The following EDEM3 variants were observed in gnomAD, a reference collection of about 807,000 sequenced individuals.
EDEM3 encodes ER degradation-enhancing alpha-mannosidase-like protein 3.
EDEM3 carries 60 observed loss-of-function variants against 110.2 expected under a neutral mutation model. That is an observed-to-expected ratio of 0.54 (90% CI 0.44 to 0.67). The LOEUF is 0.67. EDEM3 is among the 30% of genes least tolerant of loss of function. EDEM3 has a pLI of 0.00. For synonymous variants in EDEM3, 352 were observed against 382.9 expected (o/e 0.92, Z 0.94); for missense variants, 996 against 1,121.0 (o/e 0.89, Z 1.59).
rs1315007618 is a variant in EDEM3 at position 184,754,747 on chromosome 1, C to T, written c.-101G>A. The T allele has an allele frequency of 7.8e-6, 11 of 1,414,400 alleles. No homozygotes were observed. The highest frequency in any genetic ancestry group is 1.5e-5 in the African/African-American group (1 of 66,146). The allele number at this position is 1,414,400 out of a possible 1,614,324, so 87.6% of individuals were successfully genotyped here. ...GGCTGCTAGCCGTGCCGAGACGGGG[C>T]GGGATGCGGAGTAACACGGACGGCC... On this transcript the variant is annotated 5_prime_UTR_variant, in exon 1 of 20. Transcript: ENST00000318130.
At chr1:184,747,279 C>A (rs933198608) in intron 2 of EDEM3, among the ~76,000 whole-genome samples, 1 of 152,190 alleles carries the variant, frequency 6.6e-6, no homozygotes, top group African/African-American at 2.4e-5. Flanking sequence ...CTGTAAATAG[C>A]TGAGACAGGA....
Position 184,716,875 on chromosome 1 carries a change from G to T in EDEM3, c.1370+13C>A. ...GAGACCCTGAGGAAAGAGGATGTTAGCAATTGTTTTACCTGTCCTCATGAC... is the reference window on the plus strand; with the variant it reads ...GAGACCCTGAGGAAAGAGGATGTTATCAATTGTTTTACCTGTCCTCATGAC... On this transcript the variant is annotated intron_variant, in intron 13 of 19. Transcript: ENST00000318130. 6.2e-7 allele frequency: 1 copy of T among 1,612,276 alleles called. No individual in the cohort carries two copies. Among genetic ancestry groups the T allele is most frequent in the Non-Finnish European group, 8.5e-7 (1 of 1,178,774 alleles).
chr1:184,714,967 G>T (rs1023511665), intron 13 of EDEM3, among the ~76,000 whole-genome samples: 1 of 152,146 alleles, frequency 6.6e-6, no homozygotes, highest in African/African-American at 2.4e-5. Flanking sequence ...ATATGATGAA[G>T]AATGGTAGTT....
At chr1:184,723,615 T>C in intron 8 of EDEM3, 136 bp downstream of exon 8, 1 of 719,660 alleles carries the variant, frequency 1.4e-6, no homozygotes, top group Non-Finnish European at 2.2e-6. Context: ...CTGGCTAAAT[T>C]AATTAAAATT....
intron 13 of EDEM3, among the ~76,000 whole-genome samples, chr1:184,714,970 T>C (rs886505587): frequency 6.6e-6 from 1 of 152,102 alleles, no homozygotes; most frequent in Non-Finnish European, 1.5e-5. Flanking sequence ...TGATGAAGAA[T>C]GGTAGTTCTT....
chr1:184,737,573 C>T (rs1446550134), intron 3 of EDEM3, 38 bp downstream of exon 3: 1 of 1,588,408 alleles, frequency 6.3e-7, no homozygotes, highest in Non-Finnish European at 8.6e-7. Flanking sequence ...GACTTGGGAA[C>T]TCTGAGATGC....
intron 2 of EDEM3, among the ~76,000 whole-genome samples, chr1:184,745,233 C>T (rs1358744227): frequency 1.3e-5 from 2 of 152,020 alleles, no homozygotes; most frequent in African/African-American, 4.8e-5. Flanking sequence ...TATAGAATTT[C>T]TTGTGTAATT....
At chr1:184,740,999 C>G (rs1652105250) in intron 2 of EDEM3, among the ~76,000 whole-genome samples, 1 of 152,104 alleles carries the variant, frequency 6.6e-6, no homozygotes, top group Non-Finnish European at 1.5e-5. Context: ...TGCCAATTCA[C>G]CAAGTATAGA....
rs1441792132 is a variant in EDEM3 at position 184,694,020 on chromosome 1, T to G, written c.*43A>C. On this transcript the variant is annotated 3_prime_UTR_variant, in exon 20 of 20. Coordinates refer to ENST00000318130, the MANE Select transcript of EDEM3 (RefSeq NM_025191.4). ...GGATGTCTATTAACCACACACAGTT[T>G]ACCTTTTCTTTTTAAATACCTACCA... 6.4e-7 allele frequency: 1 copy of G among 1,572,152 alleles called. No homozygotes were observed. Among genetic ancestry groups the G allele is most frequent in the Admixed American group, 1.8e-5 (1 of 54,892 alleles).
chr1:184,713,316 C>T (rs878863760), intron 13 of EDEM3, among the ~76,000 whole-genome samples: 3 of 151,728 alleles, frequency 2.0e-5, no homozygotes, highest in Admixed American at 6.6e-5. Flanking sequence ...CAAAGTCACA[C>T]GGGCTATGAT....
intron 1 of EDEM3, among the ~76,000 whole-genome samples, chr1:184,752,890 G>T (rs2102144393): frequency 6.6e-6 from 1 of 152,298 alleles, no homozygotes; most frequent in Non-Finnish European, 1.5e-5. Flanking sequence ...TATTCATTGG[G>T]AAATAGGAAG....
At chr1:184,710,783 T>C (rs1253092884) in intron 15 of EDEM3, among the ~76,000 whole-genome samples, 1 of 152,166 alleles carries the variant, frequency 6.6e-6, no homozygotes, top group Non-Finnish European at 1.5e-5. Flanking sequence ...GCAGTATTAG[T>C]CAAGAGAACT....
chr1:184,706,582 G>T, intron 18 of EDEM3, 61 bp downstream of exon 18: 1 of 1,414,836 alleles, frequency 7.1e-7, no homozygotes, highest in Non-Finnish European at 9.4e-7. Flanking sequence ...AAAATAAAAG[G>T]GAAAAAATCC....
At position 184,691,909 on chromosome 1, in the gene EDEM3, C is replaced by G. The variant is rs184693429; in HGVS notation, c.*2154G>C. 3.3e-5 allele frequency: 5 copies of G among 152,222 alleles called. No homozygotes were observed. In the East Asian group the frequency reaches 9.6e-4, roughly 29 times the overall value. The allele number at this position is 152,222 out of a possible 1,614,324, so 9.4% of individuals were successfully genotyped here. A position where few individuals can be genotyped will look rare whatever the true frequency, so the allele number is the denominator to read the frequency against. On this transcript the variant is annotated 3_prime_UTR_variant, in exon 20 of 20. Coordinates refer to ENST00000318130, the MANE Select transcript of EDEM3 (RefSeq NM_025191.4). The stretch of plus-strand genomic sequence containing the variant: ...CGTCAATGAAAGGCAACACCTCCCT[C>G]TAATGGCCAAAGGAAGAGAGTGGCA...
At chr1:184,700,908 A>G (rs1298395851) in intron 19 of EDEM3, among the ~76,000 whole-genome samples, 6 of 152,000 alleles carry the variant, frequency 3.9e-5, no homozygotes, top group Non-Finnish European at 8.8e-5. Flanking sequence ...TTACACAAAA[A>G]GGGGGCTTTT....
In EDEM3 at chr1:184,717,113, C is replaced by T. The variant is rs1340990795; in HGVS notation, c.1246-101G>A. On this transcript the variant is annotated intron_variant, in intron 12 of 19. Coordinates refer to ENST00000318130, the MANE Select transcript of EDEM3 (RefSeq NM_025191.4). ...TATTGAGTACCTACTAGGTGCCAGG[C>T]ACTGTATCAGGCACTGAAGGACATT... The T allele has an allele frequency of 1.3e-5, 12 of 952,410 alleles. No individual in the cohort carries two copies. The African/African-American group carries it at 2.0e-4, about 16-fold the overall frequency. 59.0% of individuals were successfully genotyped at this position (952,410 alleles called of 1,614,324 possible). A position where few individuals can be genotyped will look rare whatever the true frequency, so the allele number is the denominator to read the frequency against.
chr1:184,694,543 T>C (rs1302016446), intron 19 of EDEM3, 71 bp from the exon 20 acceptor site: 6 of 1,412,408 alleles, frequency 4.2e-6, no homozygotes, highest in Admixed American at 2.6e-5. Flanking sequence ...CCAAAGCATA[T>C]TGGTTTTTGC....
At chr1:184,745,497 T>C (rs961012102) in intron 2 of EDEM3, among the ~76,000 whole-genome samples, 3 of 152,110 alleles carry the variant, frequency 2.0e-5, no homozygotes, top group African/African-American at 7.2e-5. Context: ...CACAACAATA[T>C]GAATGTACTT....
rs1340790835 is a variant in EDEM3 at position 184,706,866 on chromosome 1, T to C, written c.2038-58A>G. ...ATCTTCTCAAATGGCAATCAAGTCA[T>C]TAAACCTCAATATCTAGAGTTTTAA... On this transcript the variant is annotated intron_variant, in intron 17 of 19. Transcript: ENST00000318130. The C allele has an allele frequency of 5.2e-6, 8 of 1,551,006 alleles. No homozygotes were observed. The Admixed American group carries it at 7.3e-5, about 14-fold the overall frequency.
Sources: gnomAD v4.1 joint callset for allele counts (sites outside exome capture counted in the v4.1 genomes callset) on GRCh38, gnomAD v4.1.1 for gene constraint, MANE v1.5 for transcripts, NCBI Gene and HGNC (gene_info 2026-07-23, HGNC 2026-07-21) for gene names.